The following TNRC6A variants were observed in gnomAD, a reference collection of about 807,000 sequenced individuals.
TNRC6A encodes the protein trinucleotide repeat containing adaptor 6A.
A neutral mutation model predicts 221.2 loss-of-function variants in TNRC6A; 44 were observed. The observed-to-expected ratio is 0.20, with a 90% CI of 0.16 to 0.26. The LOEUF (loss-of-function observed/expected upper bound fraction) is 0.26. Ranked by LOEUF, TNRC6A falls within the 10% of genes least tolerant of loss-of-function variation. The pLI, the probability that TNRC6A is intolerant of heterozygous loss-of-function variation, is 1.00. For missense variants in TNRC6A, 2,199 were observed against 2,404.4 expected (o/e 0.91, Z 1.79); for synonymous variants, 847 against 838.5 (o/e 1.01, Z -0.18).
intron 2 of TNRC6A, among the ~76,000 whole-genome samples, chr16:24,666,639 GAAAAAAAAAAAAAAAAA>G (rs1164353374): frequency 1.3e-4 from 4 of 31,490 alleles, no homozygotes; most frequent in African/African-American, 3.4e-4. Context: ...CTGTCTTAGA[GAAAAAAAAAAAAAAAAA>G]AAAAAAAAAA....
At chr16:24,654,539 T>TA (rs1476559172) in intron 2 of TNRC6A, among the ~76,000 whole-genome samples, 3 of 152,110 alleles carry the variant, frequency 2.0e-5, no homozygotes, top group Non-Finnish European at 4.4e-5. Flanking sequence ...ACCCCGTCTA[T>TA]ACTTTAAAAA....
intron 2 of TNRC6A, among the ~76,000 whole-genome samples, chr16:24,690,868 C>T (rs370128407): frequency 2.0e-5 from 3 of 147,818 alleles, no homozygotes; most frequent in East Asian, 2.0e-4. Flanking sequence ...AGTGTAGTGG[C>T]GAGATCTCAG....
At chr16:24,774,149 T>C (rs1003374590) in intron 4 of TNRC6A, among the ~76,000 whole-genome samples, 7 of 152,214 alleles carry the variant, frequency 4.6e-5, no homozygotes, top group African/African-American at 1.7e-4. Flanking sequence ...ATGAACATAG[T>C]TAACTTAAAA....
At chr16:24,808,678 C>G (rs112517190) in intron 17 of TNRC6A, among the ~76,000 whole-genome samples, 11 of 152,322 alleles carry the variant, frequency 7.2e-5, no homozygotes, top group African/African-American at 2.4e-4. Context: ...CACATGGACT[C>G]ATCAGACCAG....
intron 2 of TNRC6A, among the ~76,000 whole-genome samples, chr16:24,650,953 G>C (rs1567325660): frequency 6.6e-6 from 1 of 152,156 alleles, no homozygotes; most frequent in African/African-American, 2.4e-5. Flanking sequence ...TACATTGCTA[G>C]TGCTCATTTG....
intron 1 of TNRC6A, among the ~76,000 whole-genome samples, chr16:24,615,244 A>G (rs1409101656): frequency 6.6e-6 from 1 of 152,142 alleles, no homozygotes; most frequent in Non-Finnish European, 1.5e-5. Context: ...TCCATGTACT[A>G]AGATGGAAAG....
At chr16:24,795,251 C>G (rs184906007) in intron 8 of TNRC6A, among the ~76,000 whole-genome samples, 31 of 152,290 alleles carry the variant, frequency 2.0e-4, no homozygotes, top group African/African-American at 7.0e-4. Context: ...GGCTGTACAT[C>G]GAAATCCCAT....
chr16:24,746,942 C>T (rs1029972943), intron 2 of TNRC6A, among the ~76,000 whole-genome samples: 7 of 152,148 alleles, frequency 4.6e-5, no homozygotes, highest in Admixed American at 2.0e-4. Context: ...CTCCTGGCCT[C>T]CCAGACTCCT....
chr16:24,804,420 T>A (rs2058389237), intron 12 of TNRC6A, 101 bp downstream of exon 12: 1 of 1,321,410 alleles, frequency 7.6e-7, no homozygotes, highest in Non-Finnish European at 1.0e-6. Flanking sequence ...TATAAAGTGT[T>A]ACAATCCACT....
intron 5 of TNRC6A, among the ~76,000 whole-genome samples, chr16:24,780,529 T>G (rs1304604757): frequency 6.6e-6 from 1 of 152,212 alleles, no homozygotes; most frequent in African/African-American, 2.4e-5. Flanking sequence ...TGTTAGTGTT[T>G]ATATAAAATA....
intron 4 of TNRC6A, among the ~76,000 whole-genome samples, chr16:24,762,964 C>T (rs928401575): frequency 1.3e-5 from 2 of 152,082 alleles, no homozygotes; most frequent in Non-Finnish European, 2.9e-5. Flanking sequence ...CAGTATTTCT[C>T]TATTGATTAA....
At chr16:24,762,012 G>GC (rs1364583641) in intron 4 of TNRC6A, among the ~76,000 whole-genome samples, 1 of 152,104 alleles carries the variant, frequency 6.6e-6, no homozygotes, top group Non-Finnish European at 1.5e-5. Context: ...GATTTCATGA[G>GC]CAAGGTATCT....
At chr16:24,709,063 C>G (rs1281425398) in intron 2 of TNRC6A, among the ~76,000 whole-genome samples, 19 of 152,048 alleles carry the variant, frequency 1.2e-4, no homozygotes, top group Admixed American at 6.5e-5. Context: ...TCGAGACCAG[C>G]CTGATCAACA....
intron 1 of TNRC6A, among the ~76,000 whole-genome samples, chr16:24,618,506 G>A (rs1218774364): frequency 6.6e-6 from 1 of 152,076 alleles, no homozygotes; most frequent in Non-Finnish European, 1.5e-5. Context: ...CCTAGTGAAT[G>A]ATCTGTAGAC....
intron 2 of TNRC6A, chr16:24,662,703 T>A (rs1242020917): frequency 1.3e-5 from 2 of 153,746 alleles, no homozygotes; most frequent in African/African-American, 4.8e-5. Context: ...ACCTTCATCT[T>A]ATTTGCAGAG....
At position 24,817,834 on chromosome 16, in the gene TNRC6A, G is replaced by A. The variant is rs11861425; in HGVS notation, c.4973-759G>A. 8.9e-3 allele frequency among the ~76,000 whole-genome samples: 1,355 copies of A among 152,230 alleles called. 22 individuals carry two copies. The highest frequency in any genetic ancestry group is 0.031 in the African/African-American group (1,278 of 41,530). The stretch of plus-strand genomic sequence containing the variant: ...CTGGGTTTCACAGACAGCTCTGCCC[G>A]CTATGGGAACACTAAGCCAAGCATA... On this transcript the variant is annotated intron_variant, in intron 20 of 24. Coordinates refer to ENST00000395799, the MANE Select transcript of TNRC6A (RefSeq NM_014494.4).
intron 19 of TNRC6A, chr16:24,816,530 T>C (rs887666568): frequency 2.2e-5 from 6 of 269,854 alleles, no homozygotes; most frequent in Non-Finnish European, 4.2e-5. Flanking sequence ...ATATATGATT[T>C]TTTAACACAC....
chr16:24,720,311 A>G lies in TNRC6A; in HGVS notation n.403-30415A>G, dbSNP rs200634338. 2.2e-4 allele frequency among the ~76,000 whole-genome samples: 34 copies of G among 152,180 alleles called. No homozygotes were observed. In the East Asian group the frequency reaches 2.9e-3, roughly 13 times the overall value. ...CAGCTACTCAGGAGGCTGAGGCAGG[A>G]CGATCACTTAAGCCTGGGAATTGGA... On this transcript the variant is annotated intron_variant and non_coding_transcript_variant, in intron 2 of 2. Coordinates refer to the TNRC6A transcript ENST00000566108.
At chr16:24,822,410 C>T (rs1029223554) in intron 23 of TNRC6A, among the ~76,000 whole-genome samples, 1 of 152,210 alleles carries the variant, frequency 6.6e-6, no homozygotes, top group Admixed American at 6.5e-5. Flanking sequence ...GGGGCTGGGA[C>T]TCTGCATTTG....
Sources: allele counts gnomAD v4.1 joint callset (sites outside exome capture counted in the v4.1 genomes callset), GRCh38; gene constraint gnomAD v4.1.1; transcripts MANE v1.5; gene names NCBI Gene and HGNC (gene_info 2026-07-23, HGNC 2026-07-21).